The following C13orf46 variants were observed in gnomAD, a reference collection of about 807,000 sequenced individuals.
C13orf46 encodes the protein chromosome 13 open reading frame 46, also known as uncharacterized protein C13orf46.
rs954688174 is a variant in C13orf46, at chr13:113,954,812, G to C, written c.*1961C>G. The C allele has an allele frequency of 5.1e-6, 1 of 196,414 alleles. No individual in the cohort carries two copies. Among genetic ancestry groups the C allele is most frequent in the Non-Finnish European group, 1.0e-5 (1 of 97,914 alleles). The allele number at this position is 196,414 out of a possible 1,614,324, so 12.2% of individuals were successfully genotyped here. On this transcript the variant is annotated 3_prime_UTR_variant, in exon 7 of 7. Transcript: ENST00000636427. Reference sequence around the variant, plus strand: ...GAGACGAGGAGCAGCTGGTGGAGACGAGGAGCATCCGGTGGAGATGAGGAG... The same window carrying C: ...GAGACGAGGAGCAGCTGGTGGAGACCAGGAGCATCCGGTGGAGATGAGGAG...
downstream of C13orf46, among the ~76,000 whole-genome samples, chr13:113,951,973 A>T (rs1241700486): frequency 6.6e-6 from 1 of 152,234 alleles, no homozygotes; most frequent in Non-Finnish European, 1.5e-5. Flanking sequence ...CTATATGCAC[A>T]GGGATTGAAT....
At chr13:113,942,626 C>G in the C13orf46 span, among the ~76,000 whole-genome samples, 49 of 152,248 alleles carry the variant, frequency 3.2e-4, no homozygotes, top group East Asian at 7.7e-4. Flanking sequence ...CCATGCCCAG[C>G]CCCCAGGACA....
the C13orf46 span, among the ~76,000 whole-genome samples, chr13:113,930,860 C>A: frequency 6.6e-6 from 1 of 152,172 alleles, no homozygotes; most frequent in Non-Finnish European, 1.5e-5. Context: ...GTGGTCCTGG[C>A]GGCCGCTCCT....
At chr13:113,967,603 TAGG>T (rs2052662707) in intron 4 of C13orf46, among the ~76,000 whole-genome samples, 1 of 152,086 alleles carries the variant, frequency 6.6e-6, no homozygotes, top group Non-Finnish European at 1.5e-5. Flanking sequence ...GGTGCCCATG[TAGG>T]AGAAGGATGT....
At chr13:113,972,913 C>G (rs1473023648) in intron 1 of C13orf46, among the ~76,000 whole-genome samples, 1 of 152,222 alleles carries the variant, frequency 6.6e-6, no homozygotes, top group Non-Finnish European at 1.5e-5. Context: ...GCTGGAGCCC[C>G]CACAGCTCCG....
intron 5 of C13orf46, among the ~76,000 whole-genome samples, chr13:113,965,302 C>T (rs1214085443): frequency 6.6e-6 from 1 of 152,180 alleles, no homozygotes; most frequent in Non-Finnish European, 1.5e-5. Context: ...GGTTAACAAC[C>T]AGCTCTCTCT....
intron 1 of C13orf46, among the ~76,000 whole-genome samples, chr13:113,972,776 C>T (rs1359241105): frequency 6.6e-6 from 1 of 152,216 alleles, no homozygotes; most frequent in East Asian, 1.9e-4. Flanking sequence ...CCCAGGCCCT[C>T]ACCAGGGCCT....
chr13:113,957,960 G>A (rs1367482437), intron 6 of C13orf46, among the ~76,000 whole-genome samples: 1 of 104,184 alleles, frequency 9.6e-6, no homozygotes, highest in African/African-American at 3.8e-5. Context: ...CAAGTGCACT[G>A]GGGGGGTCTC....
chr13:113,959,182 G>A (rs1208116501), intron 6 of C13orf46, among the ~76,000 whole-genome samples: 1 of 152,198 alleles, frequency 6.6e-6, no homozygotes, highest in African/African-American at 2.4e-5. Context: ...TGAGGCAGGA[G>A]AATCACTTGA....
At chr13:113,931,565 G>A in the C13orf46 span, among the ~76,000 whole-genome samples, 1 of 151,194 alleles carries the variant, frequency 6.6e-6, no homozygotes, top group Non-Finnish European at 1.5e-5. Context: ...GTGACATTCT[G>A]CTGTTTCTCG....
At chr13:113,933,428 C>A in the C13orf46 span, among the ~76,000 whole-genome samples, 2 of 152,156 alleles carry the variant, frequency 1.3e-5, no homozygotes, top group Admixed American at 6.5e-5. Context: ...TGATTAAAAT[C>A]AAGTAATATA....
the C13orf46 span, among the ~76,000 whole-genome samples, chr13:113,942,293 T>C: frequency 6.6e-6 from 1 of 152,210 alleles, no homozygotes; most frequent in Non-Finnish European, 1.5e-5. Context: ...AGAACCTCGA[T>C]GGATAAATGC....
chr13:113,957,592 TCTGC>T (rs2052549011), intron 6 of C13orf46, among the ~76,000 whole-genome samples: 1 of 116,428 alleles, frequency 8.6e-6, no homozygotes, highest in Admixed American at 9.4e-5. Flanking sequence ...TCCCCTGCAC[TCTGC>T]CTGCACCCCC....
downstream of C13orf46, among the ~76,000 whole-genome samples, chr13:113,953,483 T>C (rs2052497865): frequency 6.9e-6 from 1 of 145,446 alleles, no homozygotes; most frequent in Admixed American, 6.8e-5. Context: ...CACCAGACAG[T>C]GAAGGAGGAA....
the C13orf46 span, among the ~76,000 whole-genome samples, chr13:113,933,403 T>C: frequency 6.6e-6 from 1 of 152,258 alleles, no homozygotes; most frequent in Non-Finnish European, 1.5e-5. Context: ...GTTATAATGA[T>C]TATATTGACT....
At chr13:113,947,139 G>A in the C13orf46 span, among the ~76,000 whole-genome samples, 1 of 152,158 alleles carries the variant, frequency 6.6e-6, no homozygotes, top group Non-Finnish European at 1.5e-5. Flanking sequence ...AGGGGCCTTT[G>A]GCCCTGGAAA....
At chr13:113,968,106 G>A (rs981326829) in intron 4 of C13orf46, among the ~76,000 whole-genome samples, 3 of 152,292 alleles carry the variant, frequency 2.0e-5, no homozygotes, top group Non-Finnish European at 4.4e-5. Flanking sequence ...TCCTTCACAC[G>A]GTGCCACGTG....
the C13orf46 span, chr13:113,927,742 G>A: frequency 5.0e-6 from 2 of 397,146 alleles, no homozygotes; most frequent in Non-Finnish European, 8.9e-6. Context: ...GCCATGTGCG[G>A]TGTCACCTCA....
the C13orf46 span, among the ~76,000 whole-genome samples, chr13:113,940,486 A>G: frequency 0.012 from 1,516 of 127,196 alleles, 14 homozygotes; most frequent in Middle Eastern, 0.022. Context: ...GAGGCTGGGC[A>G]TTCGAGACCC....
Sources: allele counts gnomAD v4.1 joint callset (sites outside exome capture counted in the v4.1 genomes callset), GRCh38; gene constraint gnomAD v4.1.1; transcripts MANE v1.5; gene names NCBI Gene and HGNC (gene_info 2026-07-23, HGNC 2026-07-21).